Variants in C10orf143 observed in about 807,000 individuals in gnomAD.
The protein encoded by C10orf143 is uncharacterized protein C10orf143.
At chr10:130,064,676 C>T (rs1290807536) in intron 3 of C10orf143, among the ~76,000 whole-genome samples, 1 of 152,162 alleles carries the variant, frequency 6.6e-6, no homozygotes, top group Admixed American at 6.5e-5. Flanking sequence ...AAATACTATT[C>T]ATATATTCAT....
intron 1 of C10orf143, among the ~76,000 whole-genome samples, chr10:130,101,785 G>C (rs768856764): frequency 1.5e-5 from 2 of 133,040 alleles, no homozygotes; most frequent in Non-Finnish European, 3.1e-5. Context: ...TCTTGAACCC[G>C]GGAGACAGAG....
chr10:130,046,557 A>T (rs980652385), intron 3 of C10orf143, among the ~76,000 whole-genome samples: 5 of 152,238 alleles, frequency 3.3e-5, no homozygotes, highest in Admixed American at 1.3e-4. Flanking sequence ...GAGTTATGCT[A>T]CCATTTGATT....
At chr10:130,073,741 A>G (rs1861069948) in intron 3 of C10orf143, among the ~76,000 whole-genome samples, 1 of 152,114 alleles carries the variant, frequency 6.6e-6, no homozygotes, top group South Asian at 2.1e-4. Flanking sequence ...TCTTCTAGTC[A>G]TCTGAAGCCC....
At chr10:130,105,838 A>C (rs191384133) in intron 1 of C10orf143, among the ~76,000 whole-genome samples, 220 of 152,186 alleles carry the variant, frequency 1.4e-3, no homozygotes, top group African/African-American at 5.0e-3. Context: ...AACATGTGCT[A>C]CCTCAGGATG....
intron 3 of C10orf143, among the ~76,000 whole-genome samples, chr10:130,045,266 G>A (rs1443778343): frequency 6.6e-6 from 1 of 152,238 alleles, no homozygotes; most frequent in African/African-American, 2.4e-5. Context: ...CAGGCATTGC[G>A]CCCTCTGCCT....
chr10:130,106,745 G>C, intron 1 of C10orf143: 2 of 1,249,990 alleles, frequency 1.6e-6, no homozygotes, highest in Non-Finnish European at 2.3e-6. Flanking sequence ...AGTATGGAAC[G>C]AACAAGTGAA....
chr10:130,082,769 C>T (rs551033375), intron 1 of C10orf143, among the ~76,000 whole-genome samples: 16 of 152,220 alleles, frequency 1.1e-4, no homozygotes, highest in Admixed American at 2.0e-4. Context: ...CAAAACCAAA[C>T]CAGATGCATT....
At chr10:130,039,166 T>C (rs372876146) in intron 3 of C10orf143, among the ~76,000 whole-genome samples, 277 of 152,332 alleles carry the variant, frequency 1.8e-3, no homozygotes, top group African/African-American at 6.5e-3. Flanking sequence ...AGTGCTACTC[T>C]GTCCATCTGT....
chr10:130,055,512 T>C (rs987077987), intron 3 of C10orf143, among the ~76,000 whole-genome samples: 5 of 152,240 alleles, frequency 3.3e-5, no homozygotes, highest in African/African-American at 9.6e-5. Flanking sequence ...CTTGCAGTGA[T>C]TGCCCCAGGC....
chr10:130,107,852 A>G (rs1356207481), intron 1 of C10orf143: 1 of 1,255,292 alleles, frequency 8.0e-7, no homozygotes, highest in African/African-American at 1.5e-5. Context: ...GGACCGTAGG[A>G]TGATGTTTCC....
intron 1 of C10orf143, chr10:130,108,572 A>C (rs748526916): frequency 3.4e-6 from 2 of 584,048 alleles, no homozygotes; most frequent in Non-Finnish European, 6.2e-6. Flanking sequence ...AATTCTTAGG[A>C]TAGTATTTTG....
At chr10:130,093,319 G>A (rs1455606975) in intron 1 of C10orf143, among the ~76,000 whole-genome samples, 2 of 152,304 alleles carry the variant, frequency 1.3e-5, no homozygotes, top group South Asian at 2.1e-4. Flanking sequence ...TGACTAATAG[G>A]TAAATAACGA....
At chr10:130,044,897 A>C (rs1250056325) in intron 3 of C10orf143, among the ~76,000 whole-genome samples, 2 of 152,168 alleles carry the variant, frequency 1.3e-5, no homozygotes, top group Non-Finnish European at 2.9e-5. Flanking sequence ...AGCCCTGCGC[A>C]TAGGTGTGCG....
downstream of C10orf143, among the ~76,000 whole-genome samples, chr10:130,063,294 CT>C (rs909794590): frequency 1.2e-4 from 19 of 152,242 alleles, no homozygotes; most frequent in Non-Finnish European, 1.3e-4. Flanking sequence ...TAAGAGTTTT[CT>C]TTTTTTCCCG....
chr10:130,104,469 G>A (rs1242863381), intron 1 of C10orf143: 2 of 152,232 alleles, frequency 1.3e-5, no homozygotes, highest in Admixed American at 6.5e-5. Context: ...TCTAGGCTGG[G>A]AACAGAAGTA....
In C10orf143 at chr10:130,093,208, AAC is replaced by A. The variant is rs1168819791; in HGVS notation, c.70-13309_70-13308del. ...GCAAACGCAAAAGAACGGAAATCAAAACAGTCTCTCAGACCACAGTGCAATCA... is the reference window on the plus strand; with the variant it reads ...GCAAACGCAAAAGAACGGAAATCAAAAGTCTCTCAGACCACAGTGCAATCA... On this transcript the variant is annotated intron_variant, in intron 1 of 3. Coordinates refer to ENST00000637128, the MANE Select transcript of C10orf143 (RefSeq NM_001355042.2). Among the ~76,000 whole-genome samples the A allele has an allele frequency of 9.8e-5, 15 of 152,362 alleles. No individual in the cohort carries two copies. The East Asian group carries it at 2.9e-3, about 29-fold the overall frequency.
chr10:130,080,240 C>G (rs1472903049), intron 1 of C10orf143, among the ~76,000 whole-genome samples: 1 of 152,136 alleles, frequency 6.6e-6, no homozygotes, highest in Non-Finnish European at 1.5e-5. Flanking sequence ...GTTCAAGAAA[C>G]TAGTTATATG....
At position 130,064,092 on chromosome 10, in the gene C10orf143, G is replaced by C. The variant is rs534044445; in HGVS notation, c.*262C>G. ...ATGCAATTGATCTCCCTCTCAACCA[G>C]GAACATTCGAAAGGAGGCTGTAGTA... On this transcript the variant is annotated 3_prime_UTR_variant, in exon 4 of 4. Transcript: ENST00000637128. 6.1e-5 allele frequency: 21 copies of C among 346,576 alleles called. No homozygotes were observed. In the South Asian group the frequency reaches 2.6e-3, roughly 43 times the overall value. 21.5% of individuals were successfully genotyped at this position (346,576 alleles called of 1,614,324 possible).
intron 3 of C10orf143, chr10:130,066,327 G>T (rs1384957850): frequency 6.6e-6 from 1 of 150,934 alleles, no homozygotes; most frequent in Non-Finnish European, 1.5e-5. Context: ...AGCTGGGACT[G>T]CAGGTGCTTG....
Sources: allele counts gnomAD v4.1 joint callset (sites outside exome capture counted in the v4.1 genomes callset), GRCh38; gene constraint gnomAD v4.1.1; transcripts MANE v1.5; gene names NCBI Gene and HGNC (gene_info 2026-07-23, HGNC 2026-07-21).